The following FZR1 variants were observed in gnomAD, a reference collection of about 807,000 sequenced individuals.
FZR1 encodes fizzy-related protein homolog.
Under a neutral mutation model 63.6 loss-of-function variants are expected in FZR1, and 11 were observed. That is an observed-to-expected ratio of 0.17 (90% CI 0.11 to 0.29). The LOEUF is 0.29. FZR1 is among the 10% of genes least tolerant of loss of function. FZR1 has a pLI of 1.00. For missense variants in FZR1, 440 were observed against 687.5 expected (o/e 0.64, Z 4.03); for synonymous variants, 328 against 297.9 (o/e 1.10, Z -1.04).
chr19:3,532,451 T>C lies in FZR1; in HGVS notation c.1043T>C (p.Val348Ala). The C allele has an allele frequency of 6.3e-7, 1 of 1,597,522 alleles. No homozygotes were observed. The highest frequency in any genetic ancestry group is 1.1e-5 in the South Asian group (1 of 90,370). Residue 348 changes from valine (V) to alanine (A), a missense_variant, in exon 11 of 14, where the codon GTG becomes GCG. By Grantham distance (64) the Val-to-Ala change is moderately conservative. Coordinates refer to ENST00000441788, the MANE Select transcript of FZR1 (RefSeq NM_016263.4). The part of the protein sequence containing the change: ...LVWNHSSLSP[V>A]QQYTEHLAAV... ...TGGAATCACTCGAGCCTGAGCCCCG[T>C]GCAGCAGTACACGGAGCACCTGGCG...
intron 6 of FZR1, among the ~76,000 whole-genome samples, 173 bp downstream of exon 6, chr19:3,527,235 C>A (rs556867562): frequency 1.7e-4 from 26 of 152,296 alleles, no homozygotes; most frequent in African/African-American, 6.3e-4. Flanking sequence ...CCCCCAGAGT[C>A]CTTAGAGTGG....
Position 3,532,405 on chromosome 19 carries a change from C to G in FZR1, c.1009-12C>G. On this transcript the variant is annotated splice_polypyrimidine_tract_variant and intron_variant, in intron 10 of 13. Coordinates refer to ENST00000441788, the MANE Select transcript of FZR1 (RefSeq NM_016263.4). ...CTGGGACAGCCCCGGCCTCACAGCC[C>G]CTGTCCCCCAGCTGCTGGTCTGGAA... The G allele has an allele frequency of 6.3e-7, 1 of 1,582,854 alleles. No individual in the cohort carries two copies. The highest frequency in any genetic ancestry group is 8.6e-7 in the Non-Finnish European group (1 of 1,161,890).
At chr19:3,511,551 T>G (rs2083024782) in intron 1 of FZR1, among the ~76,000 whole-genome samples, 1 of 152,102 alleles carries the variant, frequency 6.6e-6, no homozygotes, top group Non-Finnish European at 1.5e-5. Context: ...CTCTATATTT[T>G]AAAAACAAGA....
In FZR1 at chr19:3,514,827, G is replaced by A. The variant is rs545330383; in HGVS notation, c.-34-8129G>A. Reference sequence around the variant, plus strand: ...TGTACGGGGGCCCTGTCACTGTTTTGTCAGGTGACTGGGTCATGCCCATTT... The same window carrying A: ...TGTACGGGGGCCCTGTCACTGTTTTATCAGGTGACTGGGTCATGCCCATTT... On this transcript the variant is annotated intron_variant, in intron 1 of 13. Transcript: ENST00000441788. The surrounding 1 kb of genome is among the most constrained non-coding windows in gnomAD (Gnocchi z 4.2). Among the ~76,000 whole-genome samples the A allele has an allele frequency of 6.6e-6, 1 of 152,326 alleles. No individual in the cohort carries two copies. Among genetic ancestry groups the A allele is most frequent in the South Asian group, 2.1e-4 (1 of 4,830 alleles).
Position 3,525,319 on chromosome 19 carries a change from C to T in FZR1, c.70-549C>T, listed in dbSNP as rs951931172. On this transcript the variant is annotated intron_variant, in intron 2 of 13. Coordinates refer to ENST00000441788, the MANE Select transcript of FZR1 (RefSeq NM_016263.4). The surrounding 1 kb of genome is among the most constrained non-coding windows in gnomAD (Gnocchi z 4.2). Reference sequence around the variant, plus strand: ...CCCTCACCACCCTCCTGCCTGGCAGCGTTGGGAGGCTGAGCCTGCCCGTGG... The same window carrying T: ...CCCTCACCACCCTCCTGCCTGGCAGTGTTGGGAGGCTGAGCCTGCCCGTGG... 1.1e-4 allele frequency among the ~76,000 whole-genome samples: 16 copies of T among 151,404 alleles called. No individual in the cohort carries two copies. Among genetic ancestry groups the T allele is most frequent in the Non-Finnish European group, 1.8e-4 (12 of 67,814 alleles).
chr19:3,525,133 G>A lies in FZR1; in HGVS notation c.70-735G>A, dbSNP rs1003214629. The stretch of plus-strand genomic sequence containing the variant: ...AGGTGGCTCTGGGTACAGCTGTTGC[G>A]TGTCTTGTGCCGTCAAGGCCTGCGT... On this transcript the variant is annotated intron_variant, in intron 2 of 13. Transcript: ENST00000441788. The surrounding 1 kb of genome is among the most constrained non-coding windows in gnomAD (Gnocchi z 4.2). Among the ~76,000 whole-genome samples the A allele has an allele frequency of 7.2e-5, 11 of 152,152 alleles. No homozygotes were observed. Among genetic ancestry groups the A allele is most frequent in the Admixed American group, 2.0e-4 (3 of 15,274 alleles).
At chr19:3,518,011 C>CTTTTT (rs1220242480) in intron 1 of FZR1, among the ~76,000 whole-genome samples, 72 of 109,472 alleles carry the variant, frequency 6.6e-4, no homozygotes, top group Non-Finnish European at 8.8e-4. Flanking sequence ...CTGTTTCTTT[C>CTTTTT]TTTTTTTTTT....
intron 13 of FZR1, 123 bp from the exon 14 acceptor site, chr19:3,534,672 G>A: frequency 1.0e-6 from 1 of 966,306 alleles, no homozygotes; most frequent in Non-Finnish European, 1.6e-6. Context: ...AGTGTGGCAG[G>A]CCGAGGCTGA....
chr19:3,515,346 T>C lies in FZR1; in HGVS notation c.-34-7610T>C, dbSNP rs138611026. ...TTCTCTCTACTCTAACCTTTTACGA[T>C]GAAACCTTCCGAGCATCCAGCAAAG... On this transcript the variant is annotated intron_variant, in intron 1 of 13. Transcript: ENST00000441788. This position sits in a 1 kb window ranked among gnomAD's most constrained non-coding sequence, Gnocchi z 4.6. Among the ~76,000 whole-genome samples the C allele has an allele frequency of 6.6e-6, 1 of 152,332 alleles. No homozygotes were observed. Among genetic ancestry groups the C allele is most frequent in the Non-Finnish European group, 1.5e-5 (1 of 68,028 alleles).
intron 12 of FZR1, among the ~76,000 whole-genome samples, chr19:3,534,134 C>T (rs2083273969): frequency 6.6e-6 from 1 of 151,306 alleles, no homozygotes; most frequent in South Asian, 2.1e-4. Flanking sequence ...ATGGGAGGAT[C>T]ACCTGAGCCC....
intron 1 of FZR1, among the ~76,000 whole-genome samples, chr19:3,513,292 C>T (rs1280503734): frequency 6.6e-6 from 1 of 152,202 alleles, no homozygotes; most frequent in East Asian, 1.9e-4. Flanking sequence ...TCCAGTGATC[C>T]TTAGTCGGAG....
intron 1 of FZR1, among the ~76,000 whole-genome samples, chr19:3,512,368 T>C (rs1039351077): frequency 2.0e-5 from 3 of 152,202 alleles, no homozygotes; most frequent in African/African-American, 4.8e-5. Flanking sequence ...ATGCCTGATT[T>C]CACAGCTTCC....
intron 7 of FZR1, among the ~76,000 whole-genome samples, chr19:3,529,188 G>T (rs542787622): frequency 1.3e-4 from 19 of 142,956 alleles, no homozygotes; most frequent in African/African-American, 5.0e-4. Context: ...TTGGGAGAGC[G>T]GATGGGAGAG....
rs761334871 is a variant in FZR1 at position 3,516,895 on chromosome 19, G to A, written c.-34-6061G>A. ...GTGCAGCCATGTGCTGCTGGGCAGC[G>A]ATGTGTGCCAGGGGCCGTGTGCAGC... On this transcript the variant is annotated intron_variant, in intron 1 of 13. Transcript: ENST00000441788. This position sits in a 1 kb window ranked among gnomAD's most constrained non-coding sequence, Gnocchi z 6.0. Among the ~76,000 whole-genome samples the A allele has an allele frequency of 1.7e-4, 26 of 152,362 alleles. No homozygotes were observed. The highest frequency in any genetic ancestry group is 9.6e-4 in the East Asian group (5 of 5,182).
chr19:3,534,562 C>G (rs939379698), intron 13 of FZR1, 49 bp downstream of exon 13: 2 of 1,293,194 alleles, frequency 1.5e-6, no homozygotes, highest in Non-Finnish European at 2.2e-6. Context: ...CAGCCTGTCC[C>G]AGGGTCGTCC....
Position 3,525,888 on chromosome 19 carries a change from C to T in FZR1, c.90C>T (p.Thr30=), listed in dbSNP as rs760270146. 1.2e-6 allele frequency: 2 copies of T among 1,612,024 alleles called. No homozygotes were observed. Among genetic ancestry groups the T allele is most frequent in the East Asian group, 4.5e-5 (2 of 44,854 alleles). ...TTCAGGTCACAGAGATGCGGCGGAC[C>T]CTGACGCCTGCCAGCTCCCCAGTGT... The part of the protein sequence containing the change: ...TMPRVTEMRR[T]LTPASSPVSS... The change falls in exon 3 of 14, where the codon ACC becomes ACT. Residue 30 remains threonine, a synonymous_variant. Coordinates refer to ENST00000441788, the MANE Select transcript of FZR1 (RefSeq NM_016263.4). The surrounding 1 kb of genome is among the most constrained non-coding windows in gnomAD (Gnocchi z 4.2).
rs537297619 is a variant in FZR1, at chr19:3,535,906, C to T, written c.*1070C>T. The T allele has an allele frequency of 5.9e-5, 9 of 152,382 alleles. No homozygotes were observed. Among genetic ancestry groups the T allele is most frequent in the Admixed American group, 3.3e-4 (5 of 15,292 alleles). 9.4% of individuals were successfully genotyped at this position (152,382 alleles called of 1,614,324 possible). On this transcript the variant is annotated 3_prime_UTR_variant, in exon 14 of 14. Coordinates refer to ENST00000441788, the MANE Select transcript of FZR1 (RefSeq NM_016263.4). ...CCTTCGAGAAGCTTCCCAGGCTCCT[C>T]TGCTTCTCTGTCTCATGCTCCCAGG...
chr19:3,528,145 A>G (rs865778481), intron 7 of FZR1, among the ~76,000 whole-genome samples: 4 of 152,276 alleles, frequency 2.6e-5, no homozygotes, highest in Admixed American at 6.5e-5. Flanking sequence ...TCAGCTCTAT[A>G]GAGAAGAAGA....
chr19:3,517,807 A>C (rs1342011014), intron 1 of FZR1, among the ~76,000 whole-genome samples: 4 of 152,132 alleles, frequency 2.6e-5, no homozygotes, highest in African/African-American at 9.7e-5. Flanking sequence ...AAACAAGATA[A>C]ACAAAAAAGG....
Sources: allele counts gnomAD v4.1 joint callset (sites outside exome capture counted in the v4.1 genomes callset), GRCh38; gene constraint gnomAD v4.1.1; non-coding constraint Gnocchi (gnomAD v3.1); transcripts MANE v1.5; gene names NCBI Gene and HGNC (gene_info 2026-07-23, HGNC 2026-07-21).